MED24: variants seen among roughly 807,000 people sequenced by gnomAD.
The protein encoded by MED24 is mediator complex subunit 24, also known as mediator of RNA polymerase II transcription subunit 24.
MED24 carries 74 observed loss-of-function variants against 118.8 expected under a neutral mutation model. The ratio of observed to expected loss-of-function variants is 0.62; its 90% CI spans 0.52 to 0.76. MED24 has a LOEUF of 0.76. Among genes scored for constraint, MED24 ranks in the 30% least tolerant of loss-of-function variants. The pLI is 0.00. For synonymous variants in MED24, 521 were observed against 523.9 expected (o/e 0.99, Z 0.08); for missense variants, 1,041 against 1,278.9 (o/e 0.81, Z 2.84).
At chr17:40,034,166 C>T (rs1404502265) in intron 6 of MED24, among the ~76,000 whole-genome samples, 1 of 152,124 alleles carries the variant, frequency 6.6e-6, no homozygotes, top group Non-Finnish European at 1.5e-5. Context: ...CCATTAACCT[C>T]CATGGAGCAT....
intron 22 of MED24, 116 bp downstream of exon 22, chr17:40,022,278 A>T: frequency 8.7e-7 from 1 of 1,153,540 alleles, no homozygotes; most frequent in Non-Finnish European, 1.2e-6. Flanking sequence ...ATGCCCAGGC[A>T]CAGCTGCCCC....
chr17:40,040,160 C>A (rs890483249), intron 3 of MED24, among the ~76,000 whole-genome samples: 1 of 148,282 alleles, frequency 6.7e-6, no homozygotes, highest in Non-Finnish European at 1.5e-5. Context: ...CTCACTGCAA[C>A]CTCTGCCTCC....
At position 40,034,591 on chromosome 17, in the gene MED24, T is replaced by A. The variant is rs1422406140; in HGVS notation, c.559+526A>T. On this transcript the variant is annotated intron_variant, in intron 6 of 25. Coordinates refer to ENST00000394128, the MANE Select transcript of MED24 (RefSeq NM_014815.4). ...CTCTGGAAAGTACCCAAACTTAACA[T>A]CTGAACTTGAGTCAAGAGGCATATG... 4.6e-5 allele frequency among the ~76,000 whole-genome samples: 7 copies of A among 152,100 alleles called. No individual in the cohort carries two copies. In the South Asian group the frequency reaches 8.3e-4, roughly 18 times the overall value.
chr17:40,036,149 C>A lies in MED24; in HGVS notation c.219G>T (p.Val73=). The A allele has an allele frequency of 6.2e-7, 1 of 1,611,214 alleles. No homozygotes were observed. Residue 73 remains valine (V), a synonymous_variant, in exon 4 of 26, where the codon GTG becomes GTT. Transcript: ENST00000394128. ...TGGCTGTGAGGACAGAAGAGTAGGACACCATCTGGAGAGAAGGAAGAAAGA... is the reference window on the plus strand; with the variant it reads ...TGGCTGTGAGGACAGAAGAGTAGGAAACCATCTGGAGAGAAGGAAGAAAGA... The part of the protein sequence containing the change: ...YLKYAISSQM[V]SYSSVLTAIS...
rs567960186 is a variant in MED24 at position 40,022,013 on chromosome 17, C to T, written c.2565G>A (p.Ser855=). The T allele has an allele frequency of 1.2e-5, 19 of 1,611,790 alleles. No homozygotes were observed. Among genetic ancestry groups the T allele is most frequent in the Admixed American group, 5.0e-5 (3 of 59,572 alleles). The change falls in exon 23 of 26, where the codon TCG becomes TCA. Residue 855 remains serine, a synonymous_variant. Transcript: ENST00000394128. The stretch of plus-strand genomic sequence containing the variant: ...TAGAGCTCAGCAGTCGCATCAACTT[C>T]GAAGGCTGCACATCGTCCAGGGGGA... ...SLFPLDDVQP[S]KLMRLLSSNE...
intron 9 of MED24, 163 bp from the exon 10 acceptor site, chr17:40,032,253 G>A: frequency 1.3e-6 from 1 of 778,472 alleles, no homozygotes. Context: ...GCCAATAGGT[G>A]CCCAGGCCCC....
At position 40,053,624 on chromosome 17, in the gene MED24, G is replaced by T; in HGVS notation, c.-26C>A. ...TATTTCACTCTGAGCAGGTGGCAGC[G>T]GTGGCGGCCAGCTTTGAGGTGAAAG... is the stretch of plus-strand genomic sequence containing the variant. On this transcript the variant is annotated 5_prime_UTR_variant, in exon 2 of 26. Transcript: ENST00000394128. 4 of 1,613,978 alleles carry T rather than the reference G, an allele frequency of 2.5e-6. No homozygotes were observed. Among genetic ancestry groups the T allele is most frequent in the Non-Finnish European group, 3.4e-6 (4 of 1,180,028 alleles).
chr17:40,021,103 C>T, intron 23 of MED24: 1 of 142,660 alleles, frequency 7.0e-6, no homozygotes, highest in Non-Finnish European at 1.6e-5. Flanking sequence ...AAACAAAAAA[C>T]AAAACAAAAA....
chr17:40,022,318 G>T, intron 22 of MED24, 76 bp downstream of exon 22: 1 of 1,450,758 alleles, frequency 6.9e-7, no homozygotes, highest in Non-Finnish European at 9.5e-7. Context: ...GCTTCCCTTT[G>T]CCTGGGGAAT....
At chr17:40,027,832 C>A in intron 15 of MED24, 77 bp downstream of exon 15, 2 of 1,484,966 alleles carry the variant, frequency 1.3e-6, no homozygotes, top group South Asian at 1.1e-5. Context: ...GCTGGGGAGC[C>A]CTCCTCCCTC....
chr17:40,020,010 A>G, intron 24 of MED24, 77 bp from the exon 25 acceptor site: 1 of 1,496,228 alleles, frequency 6.7e-7, no homozygotes, highest in Non-Finnish European at 9.1e-7. Context: ...AGAAGGTGGG[A>G]CTGAAAAGGG....
chr17:40,023,853 C>A (rs573929550), intron 19 of MED24, among the ~76,000 whole-genome samples: 3 of 152,166 alleles, frequency 2.0e-5, no homozygotes, highest in Non-Finnish European at 2.9e-5. Context: ...GGACTCTTCC[C>A]GGCCCCTGGT....
chr17:40,020,314 A>G lies in MED24; in HGVS notation c.2663T>C (p.Leu888Pro). ...SMSSSLSASQLHTVNMRDPLN... is the reference protein window; with the variant it reads ...SMSSSLSASQPHTVNMRDPLN... ...AGGGTCCCGCATGTTGACCGTGTGG[A>G]GCTGAGAGGCTGAGAGGGAGCTGCT... The change falls in exon 24 of 26, where the codon CTC (leucine) becomes CCC (proline). Residue 888 changes from leucine (L) to proline (P), a missense_variant. Around this residue, in one of 3 missense-constraint regions of MED24, gnomAD observed 587 missense variants for 694.4 expected, o/e 0.85. Transcript: ENST00000394128. The G allele has an allele frequency of 6.3e-7, 1 of 1,593,618 alleles. No individual in the cohort carries two copies. The highest frequency in any genetic ancestry group is 1.7e-5 in the Admixed American group (1 of 57,568).
chr17:40,041,843 T>C (rs2144954046), intron 3 of MED24, among the ~76,000 whole-genome samples: 1 of 152,338 alleles, frequency 6.6e-6, no homozygotes, highest in East Asian at 1.9e-4. Flanking sequence ...ATTTCTCGCC[T>C]GAATTACAGC....
intron 3 of MED24, among the ~76,000 whole-genome samples, chr17:40,052,554 G>A (rs1239452004): frequency 6.6e-6 from 1 of 152,158 alleles, no homozygotes; most frequent in Non-Finnish European, 1.5e-5. Context: ...AAGCATTCAT[G>A]AGTATTTGTT....
intron 3 of MED24, among the ~76,000 whole-genome samples, chr17:40,038,055 T>C (rs1984152719): frequency 6.6e-6 from 1 of 152,208 alleles, no homozygotes; most frequent in African/African-American, 2.4e-5. Flanking sequence ...TGAGAATCTC[T>C]AAGAAGACTG....
intron 3 of MED24, among the ~76,000 whole-genome samples, chr17:40,048,319 A>C (rs1985467175): frequency 6.6e-6 from 1 of 152,286 alleles, no homozygotes; most frequent in South Asian, 2.1e-4. Context: ...TATTTTTAAA[A>C]TACTACTAAG....
chr17:40,023,746 T>G, intron 19 of MED24: 13 of 226,952 alleles, frequency 5.7e-5, no homozygotes, highest in East Asian at 1.2e-4. Flanking sequence ...ACACAATCAC[T>G]TCCCCCTAGG....
rs532384311 is a variant in MED24 at position 40,032,442 on chromosome 17, G to A, written c.936+207C>T. ...GATGACCAAGCTAAACTGCACCTCT[G>A]TGGTAAGAAACAACGGAGTCTGCCA... On this transcript the variant is annotated intron_variant, in intron 9 of 25. Transcript: ENST00000394128. The A allele has an allele frequency of 8.6e-6, 5 of 579,436 alleles. No homozygotes were observed. In the East Asian group the frequency reaches 1.5e-4, roughly 17 times the overall value. The allele number at this position is 579,436 out of a possible 1,614,324, so 35.9% of individuals were successfully genotyped here.
Sources: gnomAD v4.1 joint callset for allele counts (sites outside exome capture counted in the v4.1 genomes callset) on GRCh38, gnomAD v4.1.1 for gene constraint, gnomAD v4.1.1 regional missense constraint, MANE v1.5 for transcripts, NCBI Gene and HGNC (gene_info 2026-07-23, HGNC 2026-07-21) for gene names.